Variants in XDH observed in about 807,000 individuals in gnomAD.
XDH encodes xanthine dehydrogenase/oxidase.
In XDH, 138 loss-of-function variants were observed where a neutral mutation model predicts 156.1. The ratio of observed to expected loss-of-function variants is 0.88; its 90% confidence interval spans 0.77 to 1.02. XDH has a LOEUF of 1.02. XDH is among the 50% of genes least tolerant of loss of function. XDH has a pLI of 0.00. For synonymous variants in XDH, 669 were observed against 625.7 expected (o/e 1.07, Z -1.03); for missense variants, 1,849 against 1,684.9 (o/e 1.10, Z -1.71).
chr2:31,336,056 C>A, intron 35 of XDH, 48 bp from the exon 36 acceptor site: 3 of 1,595,404 alleles, frequency 1.9e-6, no homozygotes, highest in Non-Finnish European at 2.6e-6. Context: ...GCTGATCATG[C>A]TCCTCCCACT....
chr2:31,357,971 GT>G (rs1572524846), intron 24 of XDH, among the ~76,000 whole-genome samples: 1 of 151,678 alleles, frequency 6.6e-6, no homozygotes. Context: ...AATCAATAGT[GT>G]TTTTTTGTTT....
At chr2:31,352,360 T>C (rs1397127509) in intron 24 of XDH, among the ~76,000 whole-genome samples, 2 of 152,172 alleles carry the variant, frequency 1.3e-5, no homozygotes, top group Non-Finnish European at 2.9e-5. Flanking sequence ...TTGTTGTTTG[T>C]TTTATTTTGG....
intron 6 of XDH, among the ~76,000 whole-genome samples, chr2:31,397,374 C>A (rs557800967): frequency 4.4e-4 from 67 of 152,334 alleles, no homozygotes; most frequent in Admixed American, 7.8e-4. Flanking sequence ...AGCTGCCAAG[C>A]CCAAAGGCAC....
chr2:31,349,946 C>T lies in XDH; in HGVS notation c.2823+86G>A, dbSNP rs1572517716. On this transcript the variant is annotated intron_variant, in intron 25 of 35. Coordinates refer to ENST00000379416, the MANE Select transcript of XDH (RefSeq NM_000379.4). ...AGCAGCCCCTGCCTGTCATCTGCCC[C>T]CATGGGAGATGCCCAAGATACAAAG... is the stretch of plus-strand genomic sequence containing the variant. The T allele has an allele frequency of 6.2e-6, 10 of 1,610,884 alleles. No homozygotes were observed. The African/African-American group carries it at 1.2e-4, about 19-fold the overall frequency.
chr2:31,349,882 G>A, intron 25 of XDH, 51 bp from the exon 26 acceptor site: 1 of 1,612,474 alleles, frequency 6.2e-7, no homozygotes, highest in Non-Finnish European at 8.5e-7. Flanking sequence ...GAGACTGTGG[G>A]GGCAGGGCAC....
chr2:31,405,780 C>T, intron 2 of XDH, 127 bp downstream of exon 2: 1 of 1,013,364 alleles, frequency 9.9e-7, no homozygotes, highest in African/African-American at 1.6e-5. Context: ...GTCCCAAGTC[C>T]TAATCCAGTG....
At chr2:31,387,388 C>T (rs1686639847) in intron 8 of XDH, among the ~76,000 whole-genome samples, 3 of 152,102 alleles carry the variant, frequency 2.0e-5, no homozygotes, top group East Asian at 3.9e-4. Context: ...AGAGAGCTCT[C>T]GTTTTTTGTT....
rs1366546869 is a variant in XDH, at chr2:31,365,481, T to A, written c.2520A>T (p.Arg840Ser). 14 of 1,614,186 alleles carry A rather than the reference T, an allele frequency of 8.7e-6. No individual in the cohort carries two copies. The highest frequency in any genetic ancestry group is 1.2e-5 in the Non-Finnish European group (14 of 1,180,028). The change falls in exon 23 of 36, where the codon AGA becomes AGT. Residue 840 changes from arginine (R) to serine (S), a missense_variant. By Grantham distance (110) the Arg-to-Ser change is moderately radical. Coordinates refer to ENST00000379416, the MANE Select transcript of XDH (RefSeq NM_000379.4). ...RDEDMLITGG[R>S]HPFLARYKVG... ...CCTTGTATCTGGCCAGGAAGGGATG[T>A]CTGCCACCAGTTATCAGCATGTCCT...
chr2:31,391,866 G>A (rs1205925703), intron 6 of XDH, among the ~76,000 whole-genome samples: 1 of 152,206 alleles, frequency 6.6e-6, no homozygotes, highest in Non-Finnish European at 1.5e-5. Flanking sequence ...TCTTCTGGAA[G>A]AGATTGTGGA....
intron 24 of XDH, among the ~76,000 whole-genome samples, chr2:31,356,793 C>G (rs142073215): frequency 1.3e-5 from 2 of 152,148 alleles, no homozygotes; most frequent in Admixed American, 1.3e-4. Context: ...CTTAGGTGCC[C>G]GTGGAACTTG....
chr2:31,386,636 G>A, intron 8 of XDH, 81 bp from the exon 9 acceptor site: 1 of 1,569,218 alleles, frequency 6.4e-7, no homozygotes, highest in Non-Finnish European at 8.7e-7. Context: ...AGTCCTCAAT[G>A]GGATGTTTTA....
chr2:31,391,453 T>G (rs1470986743), intron 6 of XDH, among the ~76,000 whole-genome samples: 1 of 152,184 alleles, frequency 6.6e-6, no homozygotes, highest in African/African-American at 2.4e-5. Flanking sequence ...CTTTGTTCTC[T>G]ATTCTCCTTC....
intron 27 of XDH, 85 bp downstream of exon 27, chr2:31,348,814 C>G: frequency 2.3e-6 from 3 of 1,316,332 alleles, no homozygotes; most frequent in Non-Finnish European, 3.3e-6. Context: ...CCAGTGACAA[C>G]GAAATTTCCC....
intron 31 of XDH, among the ~76,000 whole-genome samples, chr2:31,344,455 G>A (rs1463052954): frequency 6.6e-6 from 1 of 152,230 alleles, no homozygotes; most frequent in Admixed American, 6.5e-5. Context: ...ACCAGAACTA[G>A]AAGTCGGGTC....
At chr2:31,378,536 C>T (rs899265461) in intron 13 of XDH, among the ~76,000 whole-genome samples, 8 of 152,152 alleles carry the variant, frequency 5.3e-5, no homozygotes. Flanking sequence ...ATGGAGCCCG[C>T]TCCTGATGAT....
intron 6 of XDH, among the ~76,000 whole-genome samples, chr2:31,394,231 A>G (rs553160675): frequency 2.6e-5 from 4 of 152,294 alleles, no homozygotes; most frequent in South Asian, 2.1e-4. Context: ...GCAACAAATT[A>G]TCTCAAGTTT....
intron 24 of XDH, among the ~76,000 whole-genome samples, chr2:31,359,465 C>T (rs1433105186): frequency 6.6e-6 from 1 of 151,444 alleles, no homozygotes; most frequent in Non-Finnish European, 1.5e-5. Context: ...AGTAACAGGT[C>T]CAAGGGCATA....
At position 31,372,966 on chromosome 2, in the gene XDH, A is replaced by G. The variant is rs149782184; in HGVS notation, c.1687-569T>C. On this transcript the variant is annotated intron_variant, in intron 16 of 35. Transcript: ENST00000379416. ...TTCTGTATTTTCTAAAATGTTTTAA[A>G]TTATTGATCTCATAATAAAGTTCTG... Among the ~76,000 whole-genome samples, 745 of 152,286 alleles carry G rather than the reference A, an allele frequency of 4.9e-3. 6 individuals carry two copies. Among genetic ancestry groups the G allele is most frequent in the African/African-American group, 0.017 (706 of 41,568 alleles).
chr2:31,338,834 G>T (rs188503526), intron 34 of XDH, among the ~76,000 whole-genome samples: 1,808 of 142,758 alleles, frequency 0.013, 25 homozygotes, highest in Non-Finnish European at 0.016. Flanking sequence ...AAAGATTCTC[G>T]TGCCTAAGCC....
Sources: gnomAD v4.1 joint callset for allele counts (sites outside exome capture counted in the v4.1 genomes callset) on GRCh38, gnomAD v4.1.1 for gene constraint, MANE v1.5 for transcripts, NCBI Gene and HGNC (gene_info 2026-07-23, HGNC 2026-07-21) for gene names.